SORCS3: variants seen among roughly 807,000 people sequenced by gnomAD.
The protein encoded by SORCS3 is VPS10 domain-containing receptor SorCS3.
In SORCS3, 57 loss-of-function variants were observed where a neutral mutation model predicts 146.3. The ratio of observed to expected loss-of-function variants is 0.39; its 90% confidence interval spans 0.31 to 0.49. The LOEUF (loss-of-function observed/expected upper bound fraction) is 0.49. Among genes scored for constraint, SORCS3 ranks in the 20% least tolerant of loss-of-function variants. The probability of loss-of-function intolerance (pLI) is 0.92; values close to 1 mark genes in which losing one functional copy is unlikely to be tolerated. For missense variants in SORCS3, 1,341 were observed against 1,575.5 expected (o/e 0.85, Z 2.52); for synonymous variants, 653 against 618.5 (o/e 1.06, Z -0.83).
In SORCS3 at chr10:105,263,324, A is replaced by G. The variant is rs772108990; in HGVS notation, c.3619A>G (p.Ile1207Val). ...CTTCTCTGCAGGAGGCATTGCCACT[A>G]TTGCAAACAGCGAAAGCACAAAGGA... ...DTRVIGGIAT[I>V]ANSESTKEIP... Residue 1207 changes from isoleucine (I) to valine (V), a missense_variant, in exon 27 of 27, where the codon ATT (isoleucine) becomes GTT (valine). Transcript: ENST00000369701. 3 of 1,614,120 alleles carry G rather than the reference A, an allele frequency of 1.9e-6. No individual in the cohort carries two copies. The highest frequency in any genetic ancestry group is 2.5e-6 in the Non-Finnish European group (3 of 1,179,968).
At chr10:105,219,321 A>G (rs942486912) in intron 19 of SORCS3, among the ~76,000 whole-genome samples, 1 of 152,198 alleles carries the variant, frequency 6.6e-6, no homozygotes, top group Admixed American at 6.5e-5. Context: ...TTATCCAGCA[A>G]TGAGTTGTAA....
intron 1 of SORCS3, among the ~76,000 whole-genome samples, chr10:104,725,848 G>A (rs1402592042): frequency 2.0e-5 from 3 of 152,224 alleles, no homozygotes; most frequent in African/African-American, 7.2e-5. Flanking sequence ...GGGTGGGAGT[G>A]ACCCGGTTTT....
At chr10:104,733,646 A>G (rs539144446) in intron 1 of SORCS3, among the ~76,000 whole-genome samples, 16 of 151,972 alleles carry the variant, frequency 1.1e-4, no homozygotes, top group Non-Finnish European at 1.8e-4. Flanking sequence ...ACTTGCCTTC[A>G]AAGTGATCCC....
intron 3 of SORCS3, 69 bp from the exon 4 acceptor site, chr10:104,977,266 G>T (rs2054904800): frequency 1.5e-6 from 2 of 1,307,234 alleles, no homozygotes; most frequent in South Asian, 3.3e-5. Flanking sequence ...ACTTATTTAT[G>T]ATTAAAGTTA....
intron 1 of SORCS3, among the ~76,000 whole-genome samples, chr10:104,788,226 A>G (rs1295279204): frequency 2.6e-5 from 4 of 152,210 alleles, no homozygotes; most frequent in Non-Finnish European, 2.9e-5. Context: ...AACGGAGCCA[A>G]AAGGCCATTT....
At chr10:104,725,306 CA>C (rs1005514173) in intron 1 of SORCS3, among the ~76,000 whole-genome samples, 61 of 152,192 alleles carry the variant, frequency 4.0e-4, no homozygotes, top group African/African-American at 1.4e-3. Context: ...TGGTGAATAG[CA>C]AATGTTGCTG....
intron 5 of SORCS3, among the ~76,000 whole-genome samples, chr10:105,052,299 C>T (rs531011588): frequency 2.6e-5 from 4 of 152,150 alleles, no homozygotes; most frequent in African/African-American, 9.6e-5. Context: ...TTCCATAGTG[C>T]ACATGGCAAC....
chr10:104,728,480 A>C (rs369107687), intron 1 of SORCS3, among the ~76,000 whole-genome samples: 2 of 152,158 alleles, frequency 1.3e-5, no homozygotes, highest in African/African-American at 4.8e-5. Context: ...GTCAGGGATG[A>C]TAATAGGAAG....
intron 20 of SORCS3, among the ~76,000 whole-genome samples, chr10:105,231,346 C>A (rs1055071514): frequency 6.6e-5 from 10 of 152,152 alleles, no homozygotes; most frequent in Non-Finnish European, 1.5e-4. Context: ...AAGTGATCAA[C>A]TTTTATATAT....
chr10:105,054,343 A>C (rs1243011681), intron 5 of SORCS3, among the ~76,000 whole-genome samples: 3 of 151,800 alleles, frequency 2.0e-5, no homozygotes, highest in African/African-American at 7.2e-5. Context: ...GCCTGTGATC[A>C]TGTAAATACA....
At position 104,959,638 on chromosome 10, in the gene SORCS3, C is replaced by T. The variant is rs190857246; in HGVS notation, c.796-17697C>T. The stretch of plus-strand genomic sequence containing the variant: ...GTAACAATACCTGCGTTGCATTCCT[C>T]GCAGGGTAGAGCAAGGATCAAGGAG... On this transcript the variant is annotated intron_variant, in intron 3 of 26. Transcript: ENST00000369701. Among the ~76,000 whole-genome samples the T allele has an allele frequency of 2.4e-3, 358 of 152,144 alleles. 1 individual carries two copies. The highest frequency in any genetic ancestry group is 4.8e-3 in the South Asian group (23 of 4,822).
intron 2 of SORCS3, among the ~76,000 whole-genome samples, chr10:104,890,280 T>A (rs1297482240): frequency 1.3e-5 from 2 of 152,164 alleles, no homozygotes; most frequent in Admixed American, 6.5e-5. Flanking sequence ...TCCTTCTCCT[T>A]TTAGAGACTC....
chr10:105,013,196 CA>C (rs2055145085), intron 4 of SORCS3, among the ~76,000 whole-genome samples: 1 of 151,986 alleles, frequency 6.6e-6, no homozygotes, highest in African/African-American at 2.4e-5. Flanking sequence ...GAAAGCAAAA[CA>C]AAGGAGTAAA....
At chr10:104,874,210 CA>C (rs2018547149) in intron 2 of SORCS3, among the ~76,000 whole-genome samples, 2 of 137,950 alleles carry the variant, frequency 1.4e-5, no homozygotes, top group Non-Finnish European at 3.1e-5. Context: ...CATATTTTGA[CA>C]AATGACAAAA....
chr10:104,795,705 G>A (rs550142864), intron 1 of SORCS3, among the ~76,000 whole-genome samples: 5 of 152,324 alleles, frequency 3.3e-5, no homozygotes, highest in Admixed American at 1.3e-4. Flanking sequence ...GTTGATAACC[G>A]CTAAGTTGGA....
At chr10:104,959,474 C>G (rs1405756758) in intron 3 of SORCS3, among the ~76,000 whole-genome samples, 1 of 152,212 alleles carries the variant, frequency 6.6e-6, no homozygotes, top group African/African-American at 2.4e-5. Flanking sequence ...GAAGCAGGCT[C>G]TCATCAGATG....
intron 1 of SORCS3, among the ~76,000 whole-genome samples, chr10:104,773,272 T>C (rs1352752384): frequency 6.6e-6 from 1 of 152,182 alleles, no homozygotes; most frequent in Non-Finnish European, 1.5e-5. Flanking sequence ...TCTTTCCTAG[T>C]CCTTCTAGTT....
intron 25 of SORCS3, among the ~76,000 whole-genome samples, chr10:105,259,268 G>T (rs957574047): frequency 1.1e-4 from 17 of 152,162 alleles, no homozygotes; most frequent in Admixed American, 1.1e-3. Context: ...GCCATTAAAC[G>T]CTCTGTTGAG....
intron 1 of SORCS3, among the ~76,000 whole-genome samples, chr10:104,652,387 TA>T (rs2015573788): frequency 6.6e-6 from 1 of 152,118 alleles, no homozygotes; most frequent in African/African-American, 2.4e-5. Flanking sequence ...TCTTGATGGG[TA>T]AAATGGGCAC....
Sources: gnomAD v4.1 joint callset for allele counts (sites outside exome capture counted in the v4.1 genomes callset) on GRCh38, gnomAD v4.1.1 for gene constraint, MANE v1.5 for transcripts, NCBI Gene and HGNC (gene_info 2026-07-23, HGNC 2026-07-21) for gene names.